The following WDR70 variants were observed in gnomAD, a reference collection of about 807,000 sequenced individuals.
WDR70 encodes the protein WD repeat domain 70, also known as WD repeat-containing protein 70.
Under a neutral mutation model 88.6 loss-of-function variants are expected in WDR70, and 53 were observed. The observed-to-expected ratio is 0.60, with a 90% CI of 0.48 to 0.75. The LOEUF is 0.75. Among genes scored for constraint, WDR70 ranks in the 30% least tolerant of loss-of-function variants. The probability of loss-of-function intolerance (pLI) is 0.00; values close to 1 mark genes in which losing one functional copy is unlikely to be tolerated. For synonymous variants in WDR70, 280 were observed against 270.0 expected, an observed-to-expected ratio of 1.04 and a Z score of -0.36; for missense variants, 610 against 823.2, an observed-to-expected ratio of 0.74 and a Z score of 3.17.
chr5:37,672,390 G>C (rs757315546), intron 10 of WDR70, among the ~76,000 whole-genome samples: 7 of 152,092 alleles, frequency 4.6e-5, no homozygotes, highest in Non-Finnish European at 7.4e-5. Context: ...TCCGTCTCCT[G>C]CATGTCCCTG....
intron 10 of WDR70, among the ~76,000 whole-genome samples, chr5:37,605,923 A>G (rs758901410): frequency 6.6e-6 from 1 of 152,192 alleles, no homozygotes; most frequent in Non-Finnish European, 1.5e-5. Flanking sequence ...GAGTCTAGAC[A>G]CCAGTGTTAA....
At chr5:37,529,839 G>T (rs1355472182) in intron 9 of WDR70, among the ~76,000 whole-genome samples, 2 of 152,134 alleles carry the variant, frequency 1.3e-5, no homozygotes, top group Non-Finnish European at 2.9e-5. Context: ...GATTGCACTG[G>T]TTAGGACTTC....
chr5:37,492,780 T>C (rs1740104096), intron 8 of WDR70, among the ~76,000 whole-genome samples: 1 of 152,206 alleles, frequency 6.6e-6, no homozygotes, highest in African/African-American at 2.4e-5. Flanking sequence ...GAAGTTTTGT[T>C]AAAAGGGAAC....
chr5:37,564,608 C>CGGTGGGGA (rs1742682344), intron 9 of WDR70, among the ~76,000 whole-genome samples: 2 of 86,390 alleles, frequency 2.3e-5, no homozygotes, highest in Admixed American at 1.3e-4. Context: ...AGAGGGAGAG[C>CGGTGGGGA]GAGGCTTAAT....
rs1388006657 is a variant in WDR70, at chr5:37,388,537, C to T, written c.176-3463C>T. ...GGTGGATTGCTTGAGGCCAGGAGTT[C>T]GAGACCAGCCTGGCCAACATGGTGA... On this transcript the variant is annotated intron_variant, in intron 3 of 17. Transcript: ENST00000265107. Among the ~76,000 whole-genome samples, 3 of 147,386 alleles carry T rather than the reference C, an allele frequency of 2.0e-5. No individual in the cohort carries two copies. In the South Asian group the frequency reaches 6.5e-4, roughly 32 times the overall value.
At chr5:37,474,684 C>G (rs936994263) in intron 7 of WDR70, among the ~76,000 whole-genome samples, 1 of 152,072 alleles carries the variant, frequency 6.6e-6, no homozygotes, top group Non-Finnish European at 1.5e-5. Context: ...AGGTATTAAG[C>G]CCAGCATCCA....
intron 13 of WDR70, among the ~76,000 whole-genome samples, chr5:37,703,624 G>GT (rs1747233669): frequency 1.3e-5 from 2 of 152,280 alleles, no homozygotes; most frequent in South Asian, 4.1e-4. Context: ...AAACACATTA[G>GT]TTTTCTTTAC....
chr5:37,473,105 T>G (rs1031366680), intron 7 of WDR70, among the ~76,000 whole-genome samples: 14 of 151,906 alleles, frequency 9.2e-5, no homozygotes, highest in Non-Finnish European at 1.8e-4. Flanking sequence ...ATACCTTGTG[T>G]TTTTTTGTTT....
chr5:37,396,446 C>T lies in WDR70; in HGVS notation c.368C>T (p.Pro123Leu). 6.2e-7 allele frequency: 1 copy of T among 1,613,874 alleles called. No individual in the cohort carries two copies. The highest frequency in any genetic ancestry group is 1.3e-5 in the African/African-American group (1 of 74,954). Residue 123 changes from proline to leucine, a missense_variant, in exon 5 of 18, where the codon CCC (proline) becomes CTC (leucine). Pro to Leu is a moderately conservative substitution (Grantham distance 98). This residue lies in a region of WDR70 where 203 missense variants were observed against 228.1 expected (regional missense o/e 0.89). Transcript: ENST00000265107. ...GATGAGTTAATTGGCCCTCCTTTAC[C>T]CCCTAAAATGGTAGGAAAACCAGTT... Reference protein sequence around the residue: ...SDDELIGPPLPPKMVGKPVNF... With the variant: ...SDDELIGPPLLPKMVGKPVNF...
intron 10 of WDR70, among the ~76,000 whole-genome samples, chr5:37,610,261 G>A (rs9292659): frequency 0.11 from 15,162 of 134,014 alleles, 2,617 homozygotes; most frequent in African/African-American, 0.39. Context: ...GCAAGACTCC[G>A]TCTCAAAAAA....
At chr5:37,418,748 A>G (rs1749841478) in intron 5 of WDR70, among the ~76,000 whole-genome samples, 1 of 151,982 alleles carries the variant, frequency 6.6e-6, no homozygotes, top group East Asian at 1.9e-4. Context: ...TACTATCATC[A>G]GTAATTTTTC....
intron 13 of WDR70, among the ~76,000 whole-genome samples, chr5:37,705,177 T>G (rs1747286318): frequency 6.6e-6 from 1 of 152,204 alleles, no homozygotes; most frequent in Non-Finnish European, 1.5e-5. Flanking sequence ...TTAATAAGTT[T>G]GGTGCATAAG....
At chr5:37,504,055 G>A (rs1434319077) in intron 8 of WDR70, among the ~76,000 whole-genome samples, 1 of 151,958 alleles carries the variant, frequency 6.6e-6, no homozygotes, top group Admixed American at 6.6e-5. Context: ...TTACTGTTTT[G>A]GATTCTGGAT....
intron 9 of WDR70, among the ~76,000 whole-genome samples, chr5:37,603,188 C>T (rs1743937558): frequency 6.6e-6 from 1 of 151,192 alleles, no homozygotes; most frequent in Admixed American, 6.6e-5. Context: ...TCCCAAATCA[C>T]CAAGGCAGTG....
chr5:37,744,037 C>A (rs771971583), intron 17 of WDR70, among the ~76,000 whole-genome samples: 11 of 152,106 alleles, frequency 7.2e-5, no homozygotes, highest in Non-Finnish European at 1.5e-4. Context: ...TGGTGCCCCT[C>A]GAGGTTAGAG....
At chr5:37,557,941 T>TCAGAGTACTCTTTTGAAA (rs1273640422) in intron 9 of WDR70, among the ~76,000 whole-genome samples, 5 of 52,146 alleles carry the variant, frequency 9.6e-5, no homozygotes, top group African/African-American at 2.3e-4. Context: ...CTCTTTTGAA[T>TCAGAGTACTCTTTTGAAA]ACTCTTCAAA....
intron 17 of WDR70, among the ~76,000 whole-genome samples, chr5:37,745,616 G>A (rs770089419): frequency 2.7e-5 from 4 of 150,712 alleles, no homozygotes; most frequent in Non-Finnish European, 4.4e-5. Context: ...AAAAAAAAAT[G>A]GGAGTTGCAA....
At chr5:37,449,831 G>C (rs1738614085) in intron 7 of WDR70, among the ~76,000 whole-genome samples, 1 of 152,052 alleles carries the variant, frequency 6.6e-6, no homozygotes, top group Non-Finnish European at 1.5e-5. Flanking sequence ...CACGTACCAT[G>C]ATGGTTTGCT....
At chr5:37,519,264 A>G (rs1262619583) in intron 9 of WDR70, among the ~76,000 whole-genome samples, 2 of 152,064 alleles carry the variant, frequency 1.3e-5, no homozygotes, top group East Asian at 3.9e-4. Flanking sequence ...CCCACTTCCC[A>G]GACGGGGTGG....
Sources: allele counts gnomAD v4.1 joint callset (sites outside exome capture counted in the v4.1 genomes callset), GRCh38; gene constraint gnomAD v4.1.1; regional missense constraint gnomAD v4.1.1; transcripts MANE v1.5; gene names NCBI Gene and HGNC (gene_info 2026-07-23, HGNC 2026-07-21).